PHF21A: variants seen among roughly 807,000 people sequenced by gnomAD.
The protein encoded by PHF21A is PHD finger protein 21A.
Under a neutral mutation model 82.5 loss-of-function variants are expected in PHF21A, and 11 were observed. The ratio of observed to expected loss-of-function variants is 0.13; its 90% CI spans 0.08 to 0.22. The LOEUF (loss-of-function observed/expected upper bound fraction) is 0.22. Among genes scored for constraint, PHF21A ranks in the 10% least tolerant of loss-of-function variants. The pLI is 1.00. For synonymous variants in PHF21A, 297 were observed against 302.8 expected, an observed-to-expected ratio of 0.98 and a Z score of 0.20; for missense variants, 579 against 837.8, an observed-to-expected ratio of 0.69 and a Z score of 3.81.
chr11:46,010,344 A>T (rs1254627595), intron 6 of PHF21A, among the ~76,000 whole-genome samples: 2 of 152,236 alleles, frequency 1.3e-5, no homozygotes, highest in African/African-American at 4.8e-5. Context: ...TTTTCTCTTA[A>T]ATACATTATG....
intron 6 of PHF21A, among the ~76,000 whole-genome samples, chr11:46,026,388 T>C (rs1247213042): frequency 1.3e-5 from 2 of 152,138 alleles, no homozygotes; most frequent in African/African-American, 4.8e-5. Context: ...TGACAATGAA[T>C]AGGACTTAGA....
At chr11:46,054,904 C>A (rs1172512614) in intron 6 of PHF21A, among the ~76,000 whole-genome samples, 1 of 152,096 alleles carries the variant, frequency 6.6e-6, no homozygotes, top group Non-Finnish European at 1.5e-5. Flanking sequence ...AGCAGTTGAT[C>A]AGATAAGGAA....
At chr11:45,952,070 G>C (rs2092194432) in intron 11 of PHF21A, among the ~76,000 whole-genome samples, 1 of 152,164 alleles carries the variant, frequency 6.6e-6, no homozygotes, top group East Asian at 1.9e-4. Flanking sequence ...CTCCCAAAGT[G>C]GTGGGATTAC....
At chr11:46,071,060 T>A (rs1009989933) in intron 6 of PHF21A, among the ~76,000 whole-genome samples, 7 of 152,216 alleles carry the variant, frequency 4.6e-5, no homozygotes, top group African/African-American at 1.7e-4. Flanking sequence ...GGTAGATGAA[T>A]TACTGTTTTC....
At chr11:46,063,570 T>C (rs1223733752) in intron 6 of PHF21A, among the ~76,000 whole-genome samples, 1 of 152,158 alleles carries the variant, frequency 6.6e-6, no homozygotes, top group Non-Finnish European at 1.5e-5. Context: ...GTTTTACCAA[T>C]CCCTGCCCTA....
In PHF21A at chr11:45,953,576, G is replaced by C. The variant is rs138843746; in HGVS notation, c.1046C>G (p.Thr349Ser). Residue 349 changes from threonine to serine, a missense_variant, in exon 11 of 19, where the codon ACC becomes AGC. Coordinates refer to ENST00000676320, the MANE Select transcript of PHF21A (RefSeq NM_001352027.3). ...TTTGGGTGCAGCAGGTGGGGTGATG[G>C]TGCGGCTCTCTGTTTGTTTCTCATC... ...ETDEKQTESR[T>S]ITPPAAPKPK... is the part of the protein sequence containing the mutation. 2 of 1,613,878 alleles carry C rather than the reference G, an allele frequency of 1.2e-6. No individual in the cohort carries two copies. The highest frequency in any genetic ancestry group is 2.7e-5 in the African/African-American group (2 of 74,916).
intron 6 of PHF21A, among the ~76,000 whole-genome samples, chr11:46,037,726 T>C (rs1396830634): frequency 6.6e-6 from 1 of 151,996 alleles, no homozygotes; most frequent in African/African-American, 2.4e-5. Flanking sequence ...CTGTTTATTA[T>C]TGAGAAGTTT....
chr11:46,083,123 T>C (rs1469868893), intron 4 of PHF21A, among the ~76,000 whole-genome samples: 1 of 152,164 alleles, frequency 6.6e-6, no homozygotes, highest in Admixed American at 6.6e-5. Flanking sequence ...GAGCTTGTTT[T>C]TGTAACAAAT....
At chr11:45,939,033 C>T (rs1309770193) in intron 15 of PHF21A, among the ~76,000 whole-genome samples, 3 of 152,088 alleles carry the variant, frequency 2.0e-5, no homozygotes, top group African/African-American at 4.8e-5. Flanking sequence ...CGGGGTTTCA[C>T]GTGTTAGCCA....
intron 15 of PHF21A, among the ~76,000 whole-genome samples, chr11:45,942,578 A>G (rs1223530328): frequency 3.3e-5 from 5 of 152,344 alleles, no homozygotes. Context: ...TATTAATGCC[A>G]AAAGTCAGGA....
At chr11:45,944,267 T>C (rs936874984) in intron 15 of PHF21A, among the ~76,000 whole-genome samples, 7 of 152,136 alleles carry the variant, frequency 4.6e-5, no homozygotes, top group African/African-American at 1.7e-4. Flanking sequence ...TATTTTAGGG[T>C]GAAGATTCAT....
Position 45,933,885 on chromosome 11 carries a change from A to T in PHF21A, c.*83T>A. ...CCAAAAGAATTCTGCACTTTCCAGA[A>T]ATCCGGCTTTGCTTTTCTAGAGTCT... On this transcript the variant is annotated 3_prime_UTR_variant, in exon 19 of 19. Coordinates refer to ENST00000676320, the MANE Select transcript of PHF21A (RefSeq NM_001352027.3). 1 of 1,333,650 alleles carries T rather than the reference A, an allele frequency of 7.5e-7. No homozygotes were observed. The highest frequency in any genetic ancestry group is 1.0e-6 in the Non-Finnish European group (1 of 990,422). 82.6% of individuals were successfully genotyped at this position (1,333,650 alleles called of 1,614,324 possible).
chr11:46,091,143 C>T (rs1197616459), intron 2 of PHF21A, among the ~76,000 whole-genome samples: 1 of 152,152 alleles, frequency 6.6e-6, no homozygotes, highest in Non-Finnish European at 1.5e-5. Flanking sequence ...AGAGACACCA[C>T]AAGCACCATA....
chr11:45,971,063 G>A (rs1164799791), intron 8 of PHF21A, 53 bp downstream of exon 8: 3 of 1,593,658 alleles, frequency 1.9e-6, no homozygotes, highest in African/African-American at 2.7e-5. Context: ...CTATACAAAT[G>A]CGTATCCTAA....
chr11:46,007,344 T>G (rs2095319189), intron 6 of PHF21A, among the ~76,000 whole-genome samples: 1 of 151,886 alleles, frequency 6.6e-6, no homozygotes, highest in African/African-American at 2.4e-5. Context: ...GAGATGGAGT[T>G]TCACTCTTGT....
At chr11:45,949,217 A>G (rs921315619) in intron 13 of PHF21A, among the ~76,000 whole-genome samples, 185 bp downstream of exon 13, 1 of 152,180 alleles carries the variant, frequency 6.6e-6, no homozygotes, top group South Asian at 2.1e-4. Flanking sequence ...GAAACTTAGG[A>G]AAAAAACCTA....
chr11:46,017,783 A>C (rs1223707232), intron 6 of PHF21A, among the ~76,000 whole-genome samples: 3 of 152,250 alleles, frequency 2.0e-5, no homozygotes, highest in Non-Finnish European at 2.9e-5. Flanking sequence ...TTTCCCCTAG[A>C]AATAAACCAA....
chr11:45,936,511 T>C lies in PHF21A; in HGVS notation c.1667A>G (p.Tyr556Cys). The change falls in exon 17 of 19, where the codon TAT (tyrosine) becomes TGT (cysteine). Residue 556 changes from tyrosine (Y) to cysteine (C), a missense_variant. Physicochemically the swap from Tyr to Cys is radical, Grantham distance 194. This residue lies in a region of PHF21A where 410 missense variants were observed against 642.1 expected (regional missense o/e 0.64). Transcript: ENST00000676320. Reference sequence around the variant, plus strand: ...CTCCTTACCTGCTTTGTAGGCAATATAGGAATGAACAATTGCTAAAGTTCC... The same window carrying C: ...CTCCTTACCTGCTTTGTAGGCAATACAGGAATGAACAATTGCTAAAGTTCC... ...WPGTLAIVHS[Y>C]IAYKAAKEEE... is the part of the protein sequence containing the mutation. 2 of 1,611,408 alleles carry C rather than the reference T, an allele frequency of 1.2e-6. No individual in the cohort carries two copies. The highest frequency in any genetic ancestry group is 1.7e-6 in the Non-Finnish European group (2 of 1,177,534).
At chr11:46,062,731 A>G (rs1179005782) in intron 6 of PHF21A, among the ~76,000 whole-genome samples, 1 of 152,224 alleles carries the variant, frequency 6.6e-6, no homozygotes, top group Non-Finnish European at 1.5e-5. Context: ...GGAATGTAAA[A>G]TAGTACAATC....
Sources: allele counts gnomAD v4.1 joint callset (sites outside exome capture counted in the v4.1 genomes callset), GRCh38; gene constraint gnomAD v4.1.1; regional missense constraint gnomAD v4.1.1; transcripts MANE v1.5; gene names NCBI Gene and HGNC (gene_info 2026-07-23, HGNC 2026-07-21).